The following DCLRE1A variants were observed in gnomAD, a reference collection of about 807,000 sequenced individuals.
DCLRE1A encodes the protein DNA cross-link repair 1A.
Under a neutral mutation model 91.9 loss-of-function variants are expected in DCLRE1A, and 64 were observed. That is an observed-to-expected ratio of 0.70 (90% CI 0.57 to 0.86). DCLRE1A has a LOEUF of 0.86. Ranked by LOEUF, DCLRE1A falls within the 40% of genes least tolerant of loss-of-function variation. The probability of loss-of-function intolerance (pLI) is 0.00; values close to 1 mark genes in which losing one functional copy is unlikely to be tolerated. For synonymous variants in DCLRE1A, 416 were observed against 431.1 expected (o/e 0.96, Z 0.43); for missense variants, 1,145 against 1,213.3 (o/e 0.94, Z 0.84).
Position 113,850,239 on chromosome 10 carries a change from G to A in DCLRE1A, c.866C>T (p.Pro289Leu). Residue 289 changes from proline to leucine, a missense_variant, in exon 2 of 9, where the codon CCA (proline) becomes CTA (leucine). Transcript: ENST00000361384. ...TTCACAGTCACTGAAGTCATTTTCTGGCAATGGCAAATTTATGTGTTCTGA... is the reference window on the plus strand; with the variant it reads ...TTCACAGTCACTGAAGTCATTTTCTAGCAATGGCAAATTTATGTGTTCTGA... ...NNSEHINLPL[P>L]ENDFSDCEIS... 6.2e-7 allele frequency: 1 copy of A among 1,614,118 alleles called. No homozygotes were observed. Among genetic ancestry groups the A allele is most frequent in the Non-Finnish European group, 8.5e-7 (1 of 1,180,012 alleles).
At position 113,850,320 on chromosome 10, in the gene DCLRE1A, G is replaced by C; in HGVS notation, c.785C>G (p.Thr262Arg). Residue 262 changes from threonine (T) to arginine (R), a missense_variant, in exon 2 of 9, where the codon ACA becomes AGA. Coordinates refer to ENST00000361384, the MANE Select transcript of DCLRE1A (RefSeq NM_014881.5). ...TAGTTTGTCATTCTCAACAAAATCT[G>C]TAAATTGTAGAGCTTGTTGGGATGT... Reference protein sequence around the residue: ...IQTSQQALQFTDFVENDKLVG... With the variant: ...IQTSQQALQFRDFVENDKLVG... 6.2e-7 allele frequency: 1 copy of C among 1,614,240 alleles called. No homozygotes were observed. The highest frequency in any genetic ancestry group is 1.6e-4 in the Middle Eastern group (1 of 6,062).
chr10:113,847,207 TA>T lies in DCLRE1A; in HGVS notation c.2253del (p.Cys751Ter). The T allele has an allele frequency of 6.2e-7, 1 of 1,604,020 alleles. No homozygotes were observed. Reference protein sequence around the residue: ...LSKHFTFPVYCSEITGNLLKN... With the variant: ...LSKHFTFPVYXSEITGNLLKN... ...GTTAGAATACTAAAACTTACCTCACTACAATAAACTGGAAATGTGAAGTGTT... is the reference window on the plus strand; with the variant it reads ...GTTAGAATACTAAAACTTACCTCACTCAATAAACTGGAAATGTGAAGTGTT... On this transcript the variant is annotated frameshift_variant, in exon 3 of 9. Coordinates refer to ENST00000361384, the MANE Select transcript of DCLRE1A (RefSeq NM_014881.5). LOFTEE classifies it high-confidence loss of function.
At chr10:113,842,070 A>C (rs1228347060) in intron 6 of DCLRE1A, among the ~76,000 whole-genome samples, 1 of 152,214 alleles carries the variant, frequency 6.6e-6, no homozygotes, top group Non-Finnish European at 1.5e-5. Context: ...TTCAAAGTTT[A>C]CTAAATAACA....
At chr10:113,845,637 C>A (rs1411809281) in intron 4 of DCLRE1A, 48 bp downstream of exon 4, 1 of 1,417,510 alleles carries the variant, frequency 7.1e-7, no homozygotes, top group Admixed American at 1.7e-5. Context: ...ATGTGTTGTC[C>A]TTTTGAACAT....
chr10:113,851,780 C>T (rs2134672237), intron 1 of DCLRE1A, among the ~76,000 whole-genome samples: 1 of 151,752 alleles, frequency 6.6e-6, no homozygotes, highest in East Asian at 2.0e-4. Flanking sequence ...GGCTGGAGTG[C>T]CCTGGCATGA....
At chr10:113,837,663 C>T (rs1389966029) in intron 7 of DCLRE1A, among the ~76,000 whole-genome samples, 1 of 152,154 alleles carries the variant, frequency 6.6e-6, no homozygotes, top group Non-Finnish European at 1.5e-5. Context: ...CACAGAGATA[C>T]ATTTTACAGC....
rs576396064 is a variant in DCLRE1A, at chr10:113,850,416, A to C, written c.689T>G (p.Leu230Trp). ...TDNSVSNDPLLMTQYFKKSPS... is the reference protein window; with the variant it reads ...TDNSVSNDPLWMTQYFKKSPS... ...AGACTTTTTAAAATACTGTGTCATC[A>C]ATAAGGGATCATTTGAAACCGAGTT... The change falls in exon 2 of 9, where the codon TTG (leucine) becomes TGG (tryptophan). Residue 230 changes from leucine to tryptophan, a missense_variant. By Grantham distance (61) the Leu-to-Trp change is moderately conservative. Transcript: ENST00000361384. 18 of 1,614,092 alleles carry C rather than the reference A, an allele frequency of 1.1e-5. No individual in the cohort carries two copies. The highest frequency in any genetic ancestry group is 1.5e-5 in the Non-Finnish European group (18 of 1,180,052).
intron 7 of DCLRE1A, among the ~76,000 whole-genome samples, chr10:113,838,138 A>C (rs879360901): frequency 6.6e-6 from 1 of 152,154 alleles, no homozygotes; most frequent in Non-Finnish European, 1.5e-5. Context: ...CACACCAAAA[A>C]AAAGTTAAAG....
intron 7 of DCLRE1A, among the ~76,000 whole-genome samples, chr10:113,839,053 T>C (rs561823524): frequency 2.4e-4 from 37 of 151,714 alleles, no homozygotes; most frequent in East Asian, 2.1e-3. Context: ...AGGCCGGGCG[T>C]GGTGGCTCAC....
chr10:113,836,624 T>G (rs1317342321), intron 8 of DCLRE1A, among the ~76,000 whole-genome samples: 1 of 152,064 alleles, frequency 6.6e-6, no homozygotes, highest in East Asian at 1.9e-4. Flanking sequence ...CCAAACATGT[T>G]TCCATCAGCT....
intron 7 of DCLRE1A, among the ~76,000 whole-genome samples, chr10:113,837,431 A>AT (rs1845380886): frequency 6.6e-6 from 1 of 152,208 alleles, no homozygotes; most frequent in Admixed American, 6.5e-5. Context: ...TGGAAAAAAA[A>AT]GTATAGCGAG....
intron 7 of DCLRE1A, among the ~76,000 whole-genome samples, chr10:113,837,421 T>C (rs919633251): frequency 1.3e-5 from 2 of 151,980 alleles, no homozygotes; most frequent in Admixed American, 1.3e-4. Flanking sequence ...AAGTACAGTC[T>C]GGAAAAAAAA....
At chr10:113,852,650 C>G in intron 1 of DCLRE1A, 73 bp downstream of exon 1, 2 of 1,411,428 alleles carry the variant, frequency 1.4e-6, no homozygotes, top group Non-Finnish European at 1.9e-6. Context: ...CCTTGTTTCA[C>G]TGAATTGGTA....
intron 2 of DCLRE1A, 148 bp from the exon 3 acceptor site, chr10:113,847,483 G>A: frequency 1.1e-6 from 1 of 911,810 alleles, no homozygotes; most frequent in South Asian, 3.2e-5. Context: ...TTTAACAAAA[G>A]GTAACACTAA....
Position 113,852,910 on chromosome 10 carries a change from G to C in DCLRE1A, c.273C>G (p.Thr91=), listed in dbSNP as rs376143056. The change falls in exon 1 of 9, where the codon ACC becomes ACG. Residue 91 remains threonine (T), a synonymous_variant. Coordinates refer to ENST00000361384, the MANE Select transcript of DCLRE1A (RefSeq NM_014881.5). ...TTCCTGGAGTAGTTTCCTTGTCTTGGGTCTGCTGAATACCATCTCCACAAC... is the reference window on the plus strand; with the variant it reads ...TTCCTGGAGTAGTTTCCTTGTCTTGCGTCTGCTGAATACCATCTCCACAAC... The part of the protein sequence containing the change: ...NSSCGDGIQQ[T]QDKETTPGKL... 3 of 1,613,800 alleles carry C rather than the reference G, an allele frequency of 1.9e-6. No homozygotes were observed. Among genetic ancestry groups the C allele is most frequent in the African/African-American group, 1.3e-5 (1 of 74,830 alleles).
intron 6 of DCLRE1A, 38 bp from the exon 7 acceptor site, chr10:113,841,598 C>G: frequency 6.5e-7 from 1 of 1,548,052 alleles, no homozygotes; most frequent in Non-Finnish European, 8.7e-7. Flanking sequence ...AGTAAACTTA[C>G]AGCTTGTGAA....
chr10:113,845,315 T>G (rs1041202067), intron 4 of DCLRE1A, among the ~76,000 whole-genome samples: 1 of 152,210 alleles, frequency 6.6e-6, no homozygotes, highest in Admixed American at 6.5e-5. Flanking sequence ...ACCTCTAGTA[T>G]CTGAATGGAA....
chr10:113,845,873 A>G, intron 3 of DCLRE1A, 70 bp from the exon 4 acceptor site: 1 of 1,230,902 alleles, frequency 8.1e-7, no homozygotes, highest in South Asian at 1.2e-5. Flanking sequence ...TCTAGTTTAG[A>G]ACCATAGCAT....
Position 113,849,213 on chromosome 10 carries a change from G to C in DCLRE1A, c.1892C>G (p.Ser631Ter). Residue 631 changes from serine to a stop codon, truncating the protein, a stop_gained, in exon 2 of 9, where the codon TCA becomes TGA. Coordinates refer to ENST00000361384, the MANE Select transcript of DCLRE1A (RefSeq NM_014881.5). LOFTEE classifies it high-confidence loss of function. ...TCTACATCTCTTTTTTTGACGCTGT[G>C]ACCTCTCACTAGAAAGTTCCACAGA... ...QLSVELSSER[S>*]QRQKKRCRKS... 6.2e-7 allele frequency: 1 copy of C among 1,613,876 alleles called. No homozygotes were observed. Among genetic ancestry groups the C allele is most frequent in the South Asian group, 1.1e-5 (1 of 91,048 alleles).
Sources: allele counts gnomAD v4.1 joint callset (sites outside exome capture counted in the v4.1 genomes callset), GRCh38; gene constraint gnomAD v4.1.1; transcripts MANE v1.5; gene names NCBI Gene and HGNC (gene_info 2026-07-23, HGNC 2026-07-21).